The following MAML3 variants were observed in gnomAD, a reference collection of about 807,000 sequenced individuals.
The protein encoded by MAML3 is mastermind-like protein 3.
A neutral mutation model predicts 101.9 loss-of-function variants in MAML3; 27 were observed. The ratio of observed to expected loss-of-function variants is 0.27; its 90% CI spans 0.20 to 0.37. The LOEUF (loss-of-function observed/expected upper bound fraction) is 0.37, where lower values mean the gene tolerates loss of function less well. Among genes scored for constraint, MAML3 ranks in the 10% least tolerant of loss-of-function variants. The pLI, the probability that MAML3 is intolerant of heterozygous loss-of-function variation, is 1.00. For missense variants in MAML3, 1,316 were observed against 1,444.9 expected, an observed-to-expected ratio of 0.91 and a Z score of 1.45; for synonymous variants, 501 against 555.9, an observed-to-expected ratio of 0.90 and a Z score of 1.39.
chr4:139,910,951 C>G (rs1449590021), intron 1 of MAML3, among the ~76,000 whole-genome samples: 2 of 152,168 alleles, frequency 1.3e-5, no homozygotes, highest in East Asian at 3.8e-4. Context: ...GCATTAAGTA[C>G]ATTCACACTG....
intron 1 of MAML3, among the ~76,000 whole-genome samples, chr4:139,937,098 A>G (rs1227601991): frequency 1.3e-5 from 2 of 152,214 alleles, no homozygotes; most frequent in Non-Finnish European, 2.9e-5. Flanking sequence ...CTATTTGCTA[A>G]CCTGTCTTTC....
At chr4:139,964,431 G>T (rs779409710) in intron 1 of MAML3, among the ~76,000 whole-genome samples, 3 of 152,138 alleles carry the variant, frequency 2.0e-5, no homozygotes, top group Middle Eastern at 3.2e-3. Flanking sequence ...ACACACCAGG[G>T]CCTGATGGGG....
rs367675413 is a variant in MAML3, at chr4:139,790,216, C to CATATATATATATAT, written c.2080-59563_2080-59550dup. Among the ~76,000 whole-genome samples, 304 of 110,204 alleles carry CATATATATATATAT rather than the reference C, an allele frequency of 2.8e-3. 1 individual carries two copies. The highest frequency in any genetic ancestry group is 3.4e-3 in the Non-Finnish European group (193 of 56,110). 72.3% of individuals were successfully genotyped at this position (110,204 alleles called of 152,430 possible). On this transcript the variant is annotated intron_variant, in intron 2 of 4. Coordinates refer to ENST00000509479, the MANE Select transcript of MAML3 (RefSeq NM_018717.5). ...AGATGTGTCAACTCCACCCTAGTGA[C>CATATATATATATAT]ATATATATATATATATATATATATA...
At position 140,073,141 on chromosome 4, in the gene MAML3, C is replaced by CT. The variant is rs565407589; in HGVS notation, c.468+79718dup. Among the ~76,000 whole-genome samples, 991 of 141,674 alleles carry CT rather than the reference C, an allele frequency of 7.0e-3. 1 individual carries two copies. The highest frequency in any genetic ancestry group is 0.01 in the Non-Finnish European group (664 of 64,350). 92.9% of individuals were successfully genotyped at this position (141,674 alleles called of 152,430 possible). On this transcript the variant is annotated intron_variant, in intron 1 of 4. Transcript: ENST00000509479. ...CCATACCAATTTATATCCATGTTTT[C>CT]TTTTTTTTTTTTTTGAGATACAGTC... is the stretch of plus-strand genomic sequence containing the variant.
chr4:139,752,733 C>T (rs1032703571), intron 2 of MAML3, among the ~76,000 whole-genome samples: 9 of 151,988 alleles, frequency 5.9e-5, no homozygotes, highest in Non-Finnish European at 5.9e-5. Context: ...AATCGAAGAT[C>T]GCAGCACTAA....
intron 4 of MAML3, among the ~76,000 whole-genome samples, chr4:139,722,394 C>T (rs1188602306): frequency 1.3e-5 from 2 of 152,108 alleles, no homozygotes; most frequent in African/African-American, 2.4e-5. Flanking sequence ...GAAAAAAATT[C>T]AGATGTGTCC....
At chr4:140,120,155 T>A (rs1347681268) in intron 1 of MAML3, among the ~76,000 whole-genome samples, 3 of 147,646 alleles carry the variant, frequency 2.0e-5, no homozygotes, top group African/African-American at 7.5e-5. Context: ...GAGAATGGCG[T>A]GAACCCGGGA....
intron 1 of MAML3, among the ~76,000 whole-genome samples, chr4:139,893,971 G>A (rs1403987429): frequency 1.3e-5 from 2 of 152,012 alleles, no homozygotes; most frequent in African/African-American, 4.8e-5. Flanking sequence ...TGACAGGGTA[G>A]GAGAGAAAAG....
chr4:140,101,784 T>C (rs1446447545), intron 1 of MAML3, among the ~76,000 whole-genome samples: 1 of 152,066 alleles, frequency 6.6e-6, no homozygotes, highest in East Asian at 1.9e-4. Flanking sequence ...TTTGCAAATA[T>C]GTTATTCCAC....
chr4:140,153,209 G>C lies in MAML3; in HGVS notation c.119C>G (p.Thr40Ser). 2 of 1,561,444 alleles carry C rather than the reference G, an allele frequency of 1.3e-6. No homozygotes were observed. Among genetic ancestry groups the C allele is most frequent in the Non-Finnish European group, 1.7e-6 (2 of 1,152,262 alleles). Residue 40 changes from threonine (T) to serine (S), a missense_variant, in exon 1 of 5, where the codon ACT (threonine) becomes AGT (serine). By Grantham distance (58) the Thr-to-Ser change is moderately conservative. Coordinates refer to ENST00000509479, the MANE Select transcript of MAML3 (RefSeq NM_018717.5). The stretch of plus-strand genomic sequence containing the variant: ...GTGATTGCTACTCGGAGCAGCGGGA[G>C]TACTATTGGGAGTATTATTCACACC... ...GIGVNNTPNS[T>S]PAAPSSNHPA...
At chr4:140,000,965 T>G (rs1734913753) in intron 1 of MAML3, among the ~76,000 whole-genome samples, 1 of 151,952 alleles carries the variant, frequency 6.6e-6, no homozygotes, top group African/African-American at 2.4e-5. Flanking sequence ...GAGGTGGACG[T>G]TGTGGTGAGC....
At chr4:139,814,850 G>A (rs1314791554) in intron 2 of MAML3, among the ~76,000 whole-genome samples, 5 of 152,194 alleles carry the variant, frequency 3.3e-5, no homozygotes, top group Non-Finnish European at 5.9e-5. Context: ...AGTAAAGAGC[G>A]TAGGGCTGGA....
chr4:140,045,434 T>C (rs1444084162), intron 1 of MAML3, among the ~76,000 whole-genome samples: 2 of 151,884 alleles, frequency 1.3e-5, no homozygotes, highest in African/African-American at 4.8e-5. Flanking sequence ...TATATTGTGT[T>C]CTAGTGCCTG....
At chr4:139,920,410 G>T (rs975933237) in intron 1 of MAML3, among the ~76,000 whole-genome samples, 2 of 152,212 alleles carry the variant, frequency 1.3e-5, no homozygotes, top group African/African-American at 4.8e-5. Context: ...ATGTGTGCAG[G>T]TGTGTCTGTG....
intron 1 of MAML3, among the ~76,000 whole-genome samples, chr4:140,059,706 G>A (rs1727411274): frequency 1.3e-5 from 2 of 152,082 alleles, no homozygotes; most frequent in Admixed American, 1.3e-4. Context: ...AGGAGGCTGG[G>A]GTGAAAACTG....
intron 2 of MAML3, among the ~76,000 whole-genome samples, chr4:139,878,298 C>T (rs1473415845): frequency 1.3e-5 from 2 of 152,240 alleles, no homozygotes; most frequent in East Asian, 3.9e-4. Flanking sequence ...CTGCACTGAC[C>T]CTTGCTGTTC....
chr4:139,871,215 A>G (rs918323255), intron 2 of MAML3, among the ~76,000 whole-genome samples: 2 of 152,278 alleles, frequency 1.3e-5, no homozygotes, highest in Non-Finnish European at 2.9e-5. Context: ...TTCTTTACCT[A>G]CCACCTAGAT....
intron 1 of MAML3, among the ~76,000 whole-genome samples, chr4:140,017,956 T>A (rs36072649): frequency 0.27 from 40,538 of 151,644 alleles, 6,616 homozygotes; most frequent in Non-Finnish European, 0.37. Flanking sequence ...TGTGTCTGTA[T>A]CATGCCTTAC....
chr4:139,724,894 G>A (rs898048240), intron 4 of MAML3, among the ~76,000 whole-genome samples: 2 of 151,596 alleles, frequency 1.3e-5, no homozygotes, highest in African/African-American at 4.9e-5. Context: ...AAGTAACTGA[G>A]ATTACAGGTA....
Sources: gnomAD v4.1 joint callset for allele counts (sites outside exome capture counted in the v4.1 genomes callset) on GRCh38, gnomAD v4.1.1 for gene constraint, MANE v1.5 for transcripts, NCBI Gene and HGNC (gene_info 2026-07-23, HGNC 2026-07-21) for gene names.